Variants in ROBO2 observed in about 807,000 individuals in gnomAD.
ROBO2 encodes roundabout homolog 2.
A neutral mutation model predicts 160.8 loss-of-function variants in ROBO2; 53 were observed. The ratio of observed to expected loss-of-function variants is 0.33; its 90% CI spans 0.26 to 0.41. The LOEUF is 0.41. Ranked by LOEUF, ROBO2 falls within the 10% of genes least tolerant of loss-of-function variation. The pLI, the probability that ROBO2 is intolerant of heterozygous loss-of-function variation, is 1.00. For synonymous variants in ROBO2, 664 were observed against 611.7 expected, an observed-to-expected ratio of 1.09 and a Z score of -1.26; for missense variants, 1,577 against 1,722.4, an observed-to-expected ratio of 0.92 and a Z score of 1.49.
intron 6 of ROBO2, among the ~76,000 whole-genome samples, chr3:77,541,850 T>G (rs912055611): frequency 6.6e-6 from 1 of 152,250 alleles, no homozygotes; most frequent in Non-Finnish European, 1.5e-5. Flanking sequence ...TTGCCATTTT[T>G]ATAACAGGCA....
At chr3:76,824,222 G>A (rs1339517095) in intron 2 of ROBO2, among the ~76,000 whole-genome samples, 2 of 152,162 alleles carry the variant, frequency 1.3e-5, no homozygotes, top group African/African-American at 2.4e-5. Context: ...ACTCCACTGG[G>A]AAGAACTTGT....
chr3:76,330,734 C>T (rs1449360962), intron 2 of ROBO2, among the ~76,000 whole-genome samples: 1 of 152,134 alleles, frequency 6.6e-6, no homozygotes, highest in Admixed American at 6.5e-5. Flanking sequence ...TGTGATATTA[C>T]ATATAAATGA....
At chr3:77,211,845 T>C (rs1425758031) in intron 2 of ROBO2, among the ~76,000 whole-genome samples, 1 of 152,204 alleles carries the variant, frequency 6.6e-6, no homozygotes, top group East Asian at 1.9e-4. Flanking sequence ...CTTTCCCCAT[T>C]GCTTGTTTTT....
chr3:76,813,523 TAA>T (rs2065383529), intron 2 of ROBO2, among the ~76,000 whole-genome samples: 1 of 152,144 alleles, frequency 6.6e-6, no homozygotes. Context: ...TTAAAAATGA[TAA>T]GTGACAAATG....
chr3:77,350,767 G>T (rs537429749), intron 2 of ROBO2, among the ~76,000 whole-genome samples: 4 of 152,232 alleles, frequency 2.6e-5, no homozygotes, highest in African/African-American at 9.6e-5. Flanking sequence ...GGCACTTGTC[G>T]TTAAGGTCAC....
intron 2 of ROBO2, among the ~76,000 whole-genome samples, chr3:77,133,593 C>T (rs916530500): frequency 1.3e-5 from 2 of 149,376 alleles, no homozygotes; most frequent in African/African-American, 5.0e-5. Context: ...CAATTTAGTA[C>T]TCTGCTCTAT....
chr3:77,351,724 A>T (rs1422423215), intron 2 of ROBO2, among the ~76,000 whole-genome samples: 1 of 152,128 alleles, frequency 6.6e-6, no homozygotes, highest in Non-Finnish European at 1.5e-5. Context: ...TAATCAGCCT[A>T]AAGCTGTTGA....
At chr3:76,212,108 A>G (rs553816361) in intron 2 of ROBO2, among the ~76,000 whole-genome samples, 8 of 152,122 alleles carry the variant, frequency 5.3e-5, no homozygotes, top group African/African-American at 1.9e-4. Context: ...TCAATTATGT[A>G]TGTTCTTTAA....
intron 2 of ROBO2, among the ~76,000 whole-genome samples, chr3:76,976,044 A>G (rs897357128): frequency 2.0e-5 from 3 of 152,174 alleles, no homozygotes; most frequent in Admixed American, 6.5e-5. Context: ...AATAAACTCA[A>G]TGTTATCCAA....
chr3:77,442,279 T>G (rs2080018630), intron 2 of ROBO2, among the ~76,000 whole-genome samples: 1 of 150,368 alleles, frequency 6.7e-6, no homozygotes, highest in African/African-American at 2.5e-5. Flanking sequence ...GCCACTGAAC[T>G]CCAGCCTGGG....
chr3:76,535,850 T>G (rs2082468015), intron 2 of ROBO2, among the ~76,000 whole-genome samples: 1 of 152,080 alleles, frequency 6.6e-6, no homozygotes, highest in Admixed American at 6.5e-5. Flanking sequence ...ACTATAAGAG[T>G]TACCTGAAGC....
chr3:77,378,949 CT>C lies in ROBO2; in HGVS notation c.389-98451del, dbSNP rs759492704. 3.0e-3 allele frequency among the ~76,000 whole-genome samples: 424 copies of C among 142,334 alleles called. 1 individual carries two copies. Among genetic ancestry groups the C allele is most frequent in the Middle Eastern group, 3.8e-3 (1 of 266 alleles). 93.4% of individuals were successfully genotyped at this position (142,334 alleles called of 152,430 possible). ...CTCCTTGATGTCACTTCTGTGTCTT[CT>C]TTTTTTTTTTTTTGGAGATGGAGTT... On this transcript the variant is annotated intron_variant, in intron 2 of 25. Coordinates refer to ENST00000461745, the Ensembl canonical transcript of ROBO2.
At chr3:76,552,255 C>A (rs1173753562) in intron 2 of ROBO2, among the ~76,000 whole-genome samples, 1 of 151,996 alleles carries the variant, frequency 6.6e-6, no homozygotes, top group Admixed American at 6.6e-5. Flanking sequence ...CTTGAGCATC[C>A]CAGAATTTTA....
intron 6 of ROBO2, among the ~76,000 whole-genome samples, chr3:77,523,842 C>G (rs1028696406): frequency 6.6e-6 from 1 of 151,298 alleles, no homozygotes; most frequent in Non-Finnish European, 1.5e-5. Flanking sequence ...ATGTTTTCAT[C>G]CAAGTCTCAG....
At chr3:75,927,236 C>T (rs1302634802) in intron 1 of ROBO2, among the ~76,000 whole-genome samples, 1 of 152,064 alleles carries the variant, frequency 6.6e-6, no homozygotes, top group East Asian at 1.9e-4. Context: ...CTATTTAGTT[C>T]AGTTATATTC....
intron 2 of ROBO2, among the ~76,000 whole-genome samples, chr3:77,267,506 A>C (rs748758821): frequency 2.0e-5 from 3 of 152,200 alleles, no homozygotes; most frequent in Non-Finnish European, 4.4e-5. Flanking sequence ...ACCCTGGACA[A>C]GACAAATGTA....
intron 2 of ROBO2, among the ~76,000 whole-genome samples, chr3:76,083,857 C>A (rs2108044327): frequency 6.6e-6 from 1 of 152,266 alleles, no homozygotes; most frequent in East Asian, 1.9e-4. Context: ...TCCATTATGG[C>A]AATCTCAACG....
chr3:76,433,846 G>T (rs1487246675), intron 2 of ROBO2, among the ~76,000 whole-genome samples: 1 of 152,240 alleles, frequency 6.6e-6, no homozygotes, highest in Non-Finnish European at 1.5e-5. Context: ...AGACATAATT[G>T]CTACTTTAGA....
chr3:77,017,839 T>A (rs2062374350), intron 2 of ROBO2, among the ~76,000 whole-genome samples: 1 of 152,218 alleles, frequency 6.6e-6, no homozygotes, highest in South Asian at 2.1e-4. Flanking sequence ...TTTTGCTTTT[T>A]ATTTATGTTA....
Sources: gnomAD v4.1 joint callset for allele counts (sites outside exome capture counted in the v4.1 genomes callset) on GRCh38, gnomAD v4.1.1 for gene constraint, MANE v1.5 for transcripts, NCBI Gene and HGNC (gene_info 2026-07-23, HGNC 2026-07-21) for gene names.